Variants in BCL11A observed in about 807,000 individuals in gnomAD.
BCL11A encodes the protein BCL11 transcription factor A, also known as B cell CLL/lymphoma 11A.
BCL11A carries 2 observed loss-of-function variants against 55.9 expected under a neutral mutation model. That is an observed-to-expected ratio of 0.04 (90% CI 0.01 to 0.11). The LOEUF is 0.11. Ranked by LOEUF, BCL11A falls within the 10% of genes least tolerant of loss-of-function variation. The probability of loss-of-function intolerance (pLI) is 1.00; values close to 1 mark genes in which losing one functional copy is unlikely to be tolerated. For synonymous variants in BCL11A, 465 were observed against 473.4 expected (o/e 0.98, Z 0.23); for missense variants, 817 against 1,137.1 (o/e 0.72, Z 4.05).
Position 60,457,232 on chromosome 2 carries a change from A to C in BCL11A, c.*3172T>G. ...TTTTTATTTTTTCAATAAAGGGACA[A>C]AATGGGTGTATGAACAGGTTAATGC... is the stretch of plus-strand genomic sequence containing the variant. On this transcript the variant is annotated 3_prime_UTR_variant, in exon 4 of 4. Coordinates refer to ENST00000642384, the MANE Select transcript of BCL11A (RefSeq NM_022893.4). The C allele has an allele frequency of 9.9e-7, 1 of 1,011,676 alleles. No homozygotes were observed. The highest frequency in any genetic ancestry group is 1.2e-6 in the Non-Finnish European group (1 of 844,638). 62.7% of individuals were successfully genotyped at this position (1,011,676 alleles called of 1,614,324 possible).
At position 60,459,690 on chromosome 2, in the gene BCL11A, A is replaced by T; in HGVS notation, c.*714T>A. 9.7e-7 allele frequency: 1 copy of T among 1,035,728 alleles called. No individual in the cohort carries two copies. The highest frequency in any genetic ancestry group is 1.2e-6 in the Non-Finnish European group (1 of 860,222). The allele number at this position is 1,035,728 out of a possible 1,614,324, so 64.2% of individuals were successfully genotyped here. Reference sequence around the variant, plus strand: ...AATAGATCCAAGGCACTCATATTTTAAAACCAAATGATAGAATAAACTTGT... The same window carrying T: ...AATAGATCCAAGGCACTCATATTTTTAAACCAAATGATAGAATAAACTTGT... On this transcript the variant is annotated 3_prime_UTR_variant, in exon 4 of 4. Coordinates refer to ENST00000642384, the MANE Select transcript of BCL11A (RefSeq NM_022893.4).
downstream of BCL11A, among the ~76,000 whole-genome samples, chr2:60,456,950 G>A (rs564982849): frequency 3.4e-4 from 52 of 152,286 alleles, no homozygotes; most frequent in African/African-American, 1.2e-3. Flanking sequence ...ACATCAGACT[G>A]AAAACACCTT....
intron 2 of BCL11A, among the ~76,000 whole-genome samples, chr2:60,477,052 C>A (rs1677648997): frequency 6.6e-6 from 1 of 152,214 alleles, no homozygotes. Context: ...CGATGCCTCC[C>A]TGCCCCACTC....
intron 2 of BCL11A, chr2:60,526,866 A>G (rs1669226139): frequency 6.6e-6 from 1 of 152,224 alleles, no homozygotes; most frequent in Admixed American, 6.5e-5. Context: ...CAGCCAACGC[A>G]TTCTTAAGCG....
At chr2:60,501,737 C>T (rs1679295198) in intron 2 of BCL11A, among the ~76,000 whole-genome samples, 1 of 151,936 alleles carries the variant, frequency 6.6e-6, no homozygotes, top group Non-Finnish European at 1.5e-5. Context: ...AACTCTTGAC[C>T]TCAGGTGATC....
At chr2:60,513,694 T>C (rs1044421374) in intron 2 of BCL11A, among the ~76,000 whole-genome samples, 20 of 152,190 alleles carry the variant, frequency 1.3e-4, no homozygotes, top group African/African-American at 4.8e-4. Flanking sequence ...TGATCAGGAC[T>C]GAAAAAAGAA....
chr2:60,491,689 G>GA (rs759978839), intron 2 of BCL11A, among the ~76,000 whole-genome samples: 59,741 of 134,568 alleles, frequency 0.44, 13,009 homozygotes, highest in East Asian at 0.77. Context: ...AAAGAAAAAA[G>GA]AAAAAAAAAA....
chr2:60,452,847 C>T (rs1675783587), downstream of BCL11A: 2 of 553,700 alleles, frequency 3.6e-6, no homozygotes, highest in Non-Finnish European at 6.4e-6. Flanking sequence ...TATCTCTGAC[C>T]TCTGAGTCGT....
chr2:60,500,711 C>G (rs1679232753), intron 2 of BCL11A, among the ~76,000 whole-genome samples: 1 of 152,158 alleles, frequency 6.6e-6, no homozygotes, highest in Non-Finnish European at 1.5e-5. Flanking sequence ...ACCTGGAACT[C>G]ACAGTCGGGG....
chr2:60,501,315 C>G (rs893316624), intron 2 of BCL11A, among the ~76,000 whole-genome samples: 1 of 152,132 alleles, frequency 6.6e-6, no homozygotes, highest in Admixed American at 6.5e-5. Context: ...AGTCCAGTGG[C>G]TCTGTCTTTA....
rs745912926 is a variant in BCL11A at position 60,460,827 on chromosome 2, C to T, written c.2085G>A (p.Gly695=). The T allele has an allele frequency of 2.5e-6, 4 of 1,612,510 alleles. No homozygotes were observed. Among genetic ancestry groups the T allele is most frequent in the Non-Finnish European group, 3.4e-6 (4 of 1,179,988 alleles). ...ASSSEHSSEN[G]SLRFSTPPGE... ...CGGGCGGTGTGGAGAAGCGCAAACTCCCGTTCTCCGAGGAGTGCTCCGACG... is the reference window on the plus strand; with the variant it reads ...CGGGCGGTGTGGAGAAGCGCAAACTTCCGTTCTCCGAGGAGTGCTCCGACG... The change falls in exon 4 of 4, where the codon GGG becomes GGA. Residue 695 remains glycine (G), a synonymous_variant. Coordinates refer to ENST00000642384, the MANE Select transcript of BCL11A (RefSeq NM_022893.4).
chr2:60,507,754 C>T (rs956499689), intron 2 of BCL11A, among the ~76,000 whole-genome samples: 5 of 145,460 alleles, frequency 3.4e-5, no homozygotes, highest in Admixed American at 6.8e-5. Context: ...AGACAGAAAG[C>T]GGGTGGGGTG....
At chr2:60,542,110 A>C in intron 2 of BCL11A, 1 of 434,890 alleles carries the variant, frequency 2.3e-6, no homozygotes, top group Non-Finnish European at 4.2e-6. Context: ...TATACTGTCT[A>C]GGCAAATAAT....
At chr2:60,553,165 C>A in intron 1 of BCL11A, 51 bp downstream of exon 1, 2 of 1,551,296 alleles carry the variant, frequency 1.3e-6, no homozygotes, top group Non-Finnish European at 1.7e-6. Flanking sequence ...TCTAGTCCTG[C>A]GCGCTCTCGT....
At chr2:60,494,050 T>C (rs1033353763) in intron 2 of BCL11A, among the ~76,000 whole-genome samples, 2 of 151,716 alleles carry the variant, frequency 1.3e-5, no homozygotes, top group Admixed American at 6.6e-5. Context: ...TAGACAACAA[T>C]GCAAGGGGGA....
intron 2 of BCL11A, chr2:60,545,089 A>G (rs1435405096): frequency 1.3e-5 from 2 of 152,274 alleles, no homozygotes; most frequent in Non-Finnish European, 2.9e-5. Flanking sequence ...TCTGGACTGG[A>G]CATTTGTAAG....
chr2:60,529,137 C>T (rs914187474), intron 2 of BCL11A, among the ~76,000 whole-genome samples: 6 of 152,198 alleles, frequency 3.9e-5, no homozygotes, highest in Non-Finnish European at 7.3e-5. Flanking sequence ...CCCCACCTGC[C>T]CTGCTCTTCT....
In BCL11A at chr2:60,451,883, C is replaced by T. The variant is rs527300950; in HGVS notation, c.*692G>A. On this transcript the variant is annotated 3_prime_UTR_variant, in exon 5 of 5. Transcript: ENST00000356842. ...ATAAGTCAGACAGTTAGGAAAACCA[C>T]ACTTCAGCATTAATAAACAGCAATA... 21 of 229,882 alleles carry T rather than the reference C, an allele frequency of 9.1e-5. No homozygotes were observed. In the East Asian group the frequency reaches 1.2e-3, roughly 13 times the overall value. 14.2% of individuals were successfully genotyped at this position (229,882 alleles called of 1,614,324 possible).
At chr2:60,507,213 A>AG (rs149237149) in intron 2 of BCL11A, among the ~76,000 whole-genome samples, 59 of 65,684 alleles carry the variant, frequency 9.0e-4, no homozygotes, top group African/African-American at 2.3e-3. Flanking sequence ...GAAGAAAGGA[A>AG]GGAAGGAAGG....
Sources: allele counts gnomAD v4.1 joint callset (sites outside exome capture counted in the v4.1 genomes callset), GRCh38; gene constraint gnomAD v4.1.1; transcripts MANE v1.5; gene names NCBI Gene and HGNC (gene_info 2026-07-23, HGNC 2026-07-21).